The following CAPZB variants were observed in gnomAD, a reference collection of about 807,000 sequenced individuals.
CAPZB encodes F-actin-capping protein subunit beta.
CAPZB carries 2 observed loss-of-function variants against 38.1 expected under a neutral mutation model. That is an observed-to-expected ratio of 0.05 (90% CI 0.02 to 0.17). The LOEUF (loss-of-function observed/expected upper bound fraction) is 0.17. Among genes scored for constraint, CAPZB ranks in the 10% least tolerant of loss-of-function variants. The pLI, the probability that CAPZB is intolerant of heterozygous loss-of-function variation, is 1.00. For missense variants in CAPZB, 161 were observed against 334.2 expected, an observed-to-expected ratio of 0.48 and a Z score of 4.04; for synonymous variants, 107 against 127.4, an observed-to-expected ratio of 0.84 and a Z score of 1.08.
At chr1:19,468,721 GC>G (rs1211200438) in intron 1 of CAPZB, among the ~76,000 whole-genome samples, 1 of 151,962 alleles carries the variant, frequency 6.6e-6, no homozygotes, top group African/African-American at 2.4e-5. Context: ...CACTCTTCTG[GC>G]TCCTCTGAGT....
chr1:19,436,617 A>G (rs2094458923), intron 1 of CAPZB, among the ~76,000 whole-genome samples: 1 of 152,134 alleles, frequency 6.6e-6, no homozygotes, highest in Non-Finnish European at 1.5e-5. Flanking sequence ...AGGGTTCGAT[A>G]TTATCTGTGG....
At chr1:19,428,815 T>C (rs1417711865) in intron 1 of CAPZB, among the ~76,000 whole-genome samples, 1 of 151,840 alleles carries the variant, frequency 6.6e-6, no homozygotes, top group African/African-American at 2.4e-5. Context: ...AACCGAACAG[T>C]GAGATGAGAT....
intron 2 of CAPZB, among the ~76,000 whole-genome samples, chr1:19,405,876 C>T (rs1272084985): frequency 6.6e-6 from 1 of 152,202 alleles, no homozygotes; most frequent in East Asian, 1.9e-4. Context: ...GCAATGGGCC[C>T]ATTAGGACCC....
At chr1:19,348,147 C>G (rs138205673) in intron 6 of CAPZB, among the ~76,000 whole-genome samples, 1 of 152,168 alleles carries the variant, frequency 6.6e-6, no homozygotes. Flanking sequence ...CACCCCATCG[C>G]GTGATGAAGA....
intron 1 of CAPZB, among the ~76,000 whole-genome samples, chr1:19,430,532 G>A (rs1237766836): frequency 6.6e-6 from 1 of 152,226 alleles, no homozygotes; most frequent in Non-Finnish European, 1.5e-5. Context: ...GCCATCCAGA[G>A]TGCCAGAGGA....
At chr1:19,359,896 C>T (rs865850864) in intron 4 of CAPZB, among the ~76,000 whole-genome samples, 9 of 152,206 alleles carry the variant, frequency 5.9e-5, no homozygotes, top group Non-Finnish European at 8.8e-5. Flanking sequence ...TCCTTTATTC[C>T]GGTCTGCTCC....
intron 1 of CAPZB, among the ~76,000 whole-genome samples, chr1:19,458,448 G>C (rs886121530): frequency 6.6e-6 from 1 of 152,144 alleles, no homozygotes; most frequent in Non-Finnish European, 1.5e-5. Context: ...TCCACCTCCC[G>C]GGTTCAAGTG....
chr1:19,482,809 C>A (rs544674234), intron 1 of CAPZB, among the ~76,000 whole-genome samples: 55 of 152,334 alleles, frequency 3.6e-4, no homozygotes, highest in African/African-American at 1.3e-3. Flanking sequence ...CATTTACCTA[C>A]AATGCAACCT....
At chr1:19,438,640 G>A (rs533979246) in intron 1 of CAPZB, among the ~76,000 whole-genome samples, 14 of 152,294 alleles carry the variant, frequency 9.2e-5, no homozygotes, top group African/African-American at 2.9e-4. Flanking sequence ...TCGCTTAAGC[G>A]CGGGGCCAGA....
At chr1:19,482,173 A>T (rs2094631697) in intron 1 of CAPZB, among the ~76,000 whole-genome samples, 1 of 152,218 alleles carries the variant, frequency 6.6e-6, no homozygotes, top group Non-Finnish European at 1.5e-5. Context: ...CTGAGTTATA[A>T]ATAGGAGCAT....
intron 1 of CAPZB, among the ~76,000 whole-genome samples, chr1:19,480,458 T>C (rs1047834203): frequency 2.0e-5 from 3 of 152,206 alleles, no homozygotes; most frequent in African/African-American, 7.2e-5. Context: ...AGAGACCATG[T>C]TCTGTGGAGC....
intron 1 of CAPZB, among the ~76,000 whole-genome samples, chr1:19,432,060 A>AAAAAAAG (rs2094444195): frequency 6.7e-6 from 1 of 149,440 alleles, no homozygotes; most frequent in African/African-American, 2.5e-5. Context: ...AAAAAAAAAA[A>AAAAAAAG]AAAAAGAAAA....
intron 1 of CAPZB, among the ~76,000 whole-genome samples, chr1:19,468,141 A>G (rs905685676): frequency 8.5e-5 from 13 of 152,306 alleles, no homozygotes; most frequent in Non-Finnish European, 1.9e-4. Flanking sequence ...ATGAACTCCA[A>G]ACTATGCATA....
chr1:19,389,851 C>A (rs1208908187), intron 2 of CAPZB, among the ~76,000 whole-genome samples: 1 of 152,230 alleles, frequency 6.6e-6, no homozygotes, highest in Non-Finnish European at 1.5e-5. Context: ...CTTCAGAATT[C>A]CTGCAGTAAC....
Position 19,340,655 on chromosome 1 carries a change from G to A in CAPZB, c.732-1038C>T, listed in dbSNP as rs2093922860. ...AAGACCAGCCTGGGCAACATAGTGA[G>A]ACCCCATCTCTACAACGACAACAAC... On this transcript the variant is annotated intron_variant, in intron 8 of 8. Transcript: ENST00000264202. Among the ~76,000 whole-genome samples the A allele has an allele frequency of 2.0e-5, 3 of 151,900 alleles. No individual in the cohort carries two copies. The South Asian group carries it at 6.2e-4, about 31-fold the overall frequency.
intron 1 of CAPZB, among the ~76,000 whole-genome samples, chr1:19,433,077 G>A (rs984654221): frequency 1.3e-5 from 2 of 152,172 alleles, no homozygotes; most frequent in Non-Finnish European, 2.9e-5. Flanking sequence ...GATCTGCAAG[G>A]CGCCATCACC....
intron 2 of CAPZB, among the ~76,000 whole-genome samples, chr1:19,407,806 A>G (rs1271002428): frequency 2.0e-5 from 3 of 152,102 alleles, no homozygotes; most frequent in African/African-American, 7.2e-5. Flanking sequence ...TCATTCAGGG[A>G]GCAGAAGCAG....
intron 1 of CAPZB, among the ~76,000 whole-genome samples, chr1:19,426,389 C>G (rs1156569628): frequency 2.0e-5 from 3 of 152,178 alleles, no homozygotes; most frequent in African/African-American, 7.2e-5. Flanking sequence ...GCAGTCCCAT[C>G]CCACATGCTC....
chr1:19,360,857 C>T (rs2094049217), intron 4 of CAPZB, among the ~76,000 whole-genome samples: 1 of 152,160 alleles, frequency 6.6e-6, no homozygotes, highest in Non-Finnish European at 1.5e-5. Context: ...ATTGTCACTC[C>T]TTGTGGGGTT....
Sources: allele counts gnomAD v4.1 joint callset (sites outside exome capture counted in the v4.1 genomes callset), GRCh38; gene constraint gnomAD v4.1.1; transcripts MANE v1.5; gene names NCBI Gene and HGNC (gene_info 2026-07-23, HGNC 2026-07-21).